Variants in TTC4 observed in about 807,000 individuals in gnomAD.
TTC4 encodes the protein tetratricopeptide repeat domain 4, also known as hsp70/Hsp90 co-chaperone CNS1 homolog.
Under a neutral mutation model 51.9 loss-of-function variants are expected in TTC4, and 36 were observed. The observed-to-expected ratio is 0.69, with a 90% confidence interval of 0.53 to 0.92. The LOEUF (loss-of-function observed/expected upper bound fraction) is 0.92, where lower values mean the gene tolerates loss of function less well. Ranked by LOEUF, TTC4 falls within the 40% of genes least tolerant of loss-of-function variation. The pLI, the probability that TTC4 is intolerant of heterozygous loss-of-function variation, is 0.00. For missense variants in TTC4, 399 were observed against 454.6 expected, an observed-to-expected ratio of 0.88 and a Z score of 1.11; for synonymous variants, 144 against 164.2, an observed-to-expected ratio of 0.88 and a Z score of 0.94.
chr1:54,719,817 C>T (rs1645721522), intron 3 of TTC4, among the ~76,000 whole-genome samples: 3 of 151,624 alleles, frequency 2.0e-5, no homozygotes, highest in African/African-American at 7.3e-5. Flanking sequence ...ATTCATTAGG[C>T]TAAAGCACGA....
At chr1:54,733,735 T>C (rs1356534109) in intron 8 of TTC4, 25 bp downstream of exon 8, 2 of 1,291,202 alleles carry the variant, frequency 1.5e-6, no homozygotes, top group South Asian at 1.3e-5. Flanking sequence ...ATTTCGTTCC[T>C]CTATGGAATT....
chr1:54,722,452 G>A (rs1188769488), intron 4 of TTC4, among the ~76,000 whole-genome samples: 2 of 152,072 alleles, frequency 1.3e-5, no homozygotes, highest in African/African-American at 2.4e-5. Context: ...TTAATACCAG[G>A]GAGACTTACA....
At chr1:54,724,840 G>A (rs1645781951) in intron 5 of TTC4, among the ~76,000 whole-genome samples, 2 of 152,178 alleles carry the variant, frequency 1.3e-5, no homozygotes, top group African/African-American at 2.4e-5. Context: ...AATCAATGAG[G>A]AAACTGGCAA....
At chr1:54,719,091 G>C (rs917460387) in intron 3 of TTC4, among the ~76,000 whole-genome samples, 4 of 152,114 alleles carry the variant, frequency 2.6e-5, no homozygotes, top group African/African-American at 9.7e-5. Context: ...TCACCTTTGT[G>C]CCTGGGGGTT....
At chr1:54,738,851 C>T (rs1024191506) in intron 9 of TTC4, among the ~76,000 whole-genome samples, 5 of 151,644 alleles carry the variant, frequency 3.3e-5, no homozygotes, top group African/African-American at 1.2e-4. Flanking sequence ...TTAGTAGAGA[C>T]GGGGTTTCAC....
Position 54,717,565 on chromosome 1 carries a change from A to T in TTC4, c.303A>T (p.Ser101=), listed in dbSNP as rs199698067. The T allele has an allele frequency of 1.2e-6, 2 of 1,611,818 alleles. No homozygotes were observed. The highest frequency in any genetic ancestry group is 3.4e-5 in the Admixed American group (2 of 59,572). ...AAGACTACAAGAAAGCTGTAATTTCATACACTGAAGGCTTAAAGAAGAAAT... is the reference window on the plus strand; with the variant it reads ...AAGACTACAAGAAAGCTGTAATTTCTTACACTGAAGGCTTAAAGAAGAAAT... The part of the protein sequence containing the change: ...KEKDYKKAVI[S]YTEGLKKKCA... Residue 101 remains serine, a synonymous_variant, in exon 3 of 10, where the codon TCA becomes TCT. Transcript: ENST00000371281.
At chr1:54,733,809 A>T in intron 8 of TTC4, 99 bp downstream of exon 8, 1 of 784,888 alleles carries the variant, frequency 1.3e-6, no homozygotes. Context: ...TTTTTTTGAA[A>T]ATTATAGTAA....
chr1:54,727,828 G>A (rs1180002248), intron 5 of TTC4, among the ~76,000 whole-genome samples: 1 of 152,016 alleles, frequency 6.6e-6, no homozygotes, highest in African/African-American at 2.4e-5. Context: ...TTTAAATGAG[G>A]AAAGGATGTG....
chr1:54,732,463 T>TC (rs1645879013), intron 7 of TTC4, among the ~76,000 whole-genome samples: 2 of 151,194 alleles, frequency 1.3e-5, no homozygotes, highest in African/African-American at 4.8e-5. Context: ...TTTGTAATTT[T>TC]TTTTTTTTTT....
At position 54,719,714 on chromosome 1, in the gene TTC4, G is replaced by A. The variant is rs534944711; in HGVS notation, c.392-1449G>A. Among the ~76,000 whole-genome samples the A allele has an allele frequency of 2.2e-4, 34 of 152,244 alleles. 1 individual carries two copies. The highest frequency in any genetic ancestry group is 8.3e-4 in the South Asian group (4 of 4,830). The stretch of plus-strand genomic sequence containing the variant: ...ACTATTTATACTGTTTGCTTTATTA[G>A]TCTGCTATTGTTGAGTATATAGACT... On this transcript the variant is annotated intron_variant, in intron 3 of 9. Transcript: ENST00000371281.
chr1:54,717,423 T>C (rs750446649), intron 2 of TTC4, 69 bp from the exon 3 acceptor site: 179 of 1,368,048 alleles, frequency 1.3e-4, no homozygotes, highest in Non-Finnish European at 1.7e-4. Flanking sequence ...TATTACATGA[T>C]TTAGAATCTA....
chr1:54,739,072 A>G (rs1190551877), intron 9 of TTC4, among the ~76,000 whole-genome samples: 2 of 150,736 alleles, frequency 1.3e-5, no homozygotes, highest in African/African-American at 2.5e-5. Flanking sequence ...GGGTTTTACC[A>G]TGTTGGCCAG....
At chr1:54,721,796 C>T (rs1218246998) in intron 4 of TTC4, among the ~76,000 whole-genome samples, 1 of 152,184 alleles carries the variant, frequency 6.6e-6, no homozygotes, top group African/African-American at 2.4e-5. Flanking sequence ...CAAAATTATG[C>T]CTCTTTAAAT....
chr1:54,733,659 T>G lies in TTC4; in HGVS notation c.927T>G (p.Gly309=), dbSNP rs779330575. 5 of 1,604,182 alleles carry G rather than the reference T, an allele frequency of 3.1e-6. No homozygotes were observed. The highest frequency in any genetic ancestry group is 4.3e-6 in the Non-Finnish European group (5 of 1,174,832). ...TTGATCATCTAATGGTGATGTTTGG[T>G]GAAACACCCTCTTGGGACCTAGAGC... is the stretch of plus-strand genomic sequence containing the variant. ...RFIDHLMVMF[G]ETPSWDLEQK... is the part of the protein sequence containing the mutation. Residue 309 remains glycine, a synonymous_variant, in exon 8 of 10, where the codon GGT becomes GGG. Coordinates refer to ENST00000371281, the MANE Select transcript of TTC4 (RefSeq NM_004623.5).
intron 9 of TTC4, among the ~76,000 whole-genome samples, chr1:54,738,835 G>A (rs1645978813): frequency 6.6e-6 from 1 of 151,698 alleles, no homozygotes; most frequent in South Asian, 2.1e-4. Context: ...GCTAATTTTT[G>A]TATTTTTAGT....
chr1:54,740,955 C>T (rs1646003574), intron 9 of TTC4, among the ~76,000 whole-genome samples: 1 of 152,128 alleles, frequency 6.6e-6, no homozygotes, highest in Admixed American at 6.5e-5. Context: ...GGAATCGTGC[C>T]TCCTTGGGAT....
chr1:54,738,912 C>G (rs1269779234), intron 9 of TTC4, among the ~76,000 whole-genome samples: 1 of 152,108 alleles, frequency 6.6e-6, no homozygotes, highest in Non-Finnish European at 1.5e-5. Context: ...ATCCACTCAC[C>G]TCGGTCTTCC....
chr1:54,735,823 T>TA (rs1192934241), intron 8 of TTC4, among the ~76,000 whole-genome samples: 1 of 152,242 alleles, frequency 6.6e-6, no homozygotes, highest in Non-Finnish European at 1.5e-5. Context: ...TTTAATCTGT[T>TA]ACTATGATTG....
chr1:54,741,525 C>T lies in TTC4; in HGVS notation c.*12C>T, dbSNP rs1264431704. 1.2e-6 allele frequency: 2 copies of T among 1,606,296 alleles called. No homozygotes were observed. The highest frequency in any genetic ancestry group is 1.7e-5 in the Admixed American group (1 of 60,012). ...ACCAGATACGATGACTAAGCCAGGGCCCCTGGATCTCCTCCCTTACCCTCC... is the reference window on the plus strand; with the variant it reads ...ACCAGATACGATGACTAAGCCAGGGTCCCTGGATCTCCTCCCTTACCCTCC... On this transcript the variant is annotated 3_prime_UTR_variant, in exon 10 of 10. Coordinates refer to ENST00000371281, the MANE Select transcript of TTC4 (RefSeq NM_004623.5).
Sources: gnomAD v4.1 joint callset for allele counts (sites outside exome capture counted in the v4.1 genomes callset) on GRCh38, gnomAD v4.1.1 for gene constraint, MANE v1.5 for transcripts, NCBI Gene and HGNC (gene_info 2026-07-23, HGNC 2026-07-21) for gene names.